Variants in FZD3 observed in about 807,000 individuals in gnomAD.
FZD3 encodes the protein frizzled-3.
Under a neutral mutation model 60.7 loss-of-function variants are expected in FZD3, and 30 were observed. The observed-to-expected ratio is 0.49, with a 90% confidence interval of 0.37 to 0.67. The LOEUF (loss-of-function observed/expected upper bound fraction) is 0.67. FZD3 is among the 30% of genes least tolerant of loss of function. The pLI is 0.00. For synonymous variants in FZD3, 246 were observed against 275.2 expected (o/e 0.89, Z 1.05); for missense variants, 605 against 838.7 (o/e 0.72, Z 3.44).
At chr8:28,547,181 C>G (rs1197588705) in intron 5 of FZD3, among the ~76,000 whole-genome samples, 1 of 152,108 alleles carries the variant, frequency 6.6e-6, no homozygotes, top group Non-Finnish European at 1.5e-5. Context: ...TCTTTTTTTA[C>G]TCACTTGGTA....
At chr8:28,499,859 T>C (rs1352180711) in intron 1 of FZD3, 74 bp from the exon 2 acceptor site, 2 of 152,230 alleles carry the variant, frequency 1.3e-5, no homozygotes, top group Non-Finnish European at 2.9e-5. Context: ...CTATCTGCTT[T>C]TATTTTTAAA....
At chr8:28,516,863 A>C (rs536163190) in intron 3 of FZD3, among the ~76,000 whole-genome samples, 1 of 152,052 alleles carries the variant, frequency 6.6e-6, no homozygotes, top group African/African-American at 2.4e-5. Context: ...CCTAAAAATT[A>C]TGATGTGTAC....
At chr8:28,550,825 A>G (rs1305922661) in intron 5 of FZD3, among the ~76,000 whole-genome samples, 2 of 151,954 alleles carry the variant, frequency 1.3e-5, no homozygotes, top group Non-Finnish European at 2.9e-5. Context: ...GGTTTGCTTT[A>G]TTGATTGATA....
At chr8:28,495,819 A>T (rs947999322) in intron 1 of FZD3, among the ~76,000 whole-genome samples, 2 of 152,172 alleles carry the variant, frequency 1.3e-5, no homozygotes, top group Non-Finnish European at 2.9e-5. Context: ...GATAAAATAT[A>T]ACTAAGATGC....
At position 28,569,748 on chromosome 8, in the gene FZD3, T is replaced by A. The variant is rs545785624; in HGVS notation, c.*6737T>A. The stretch of plus-strand genomic sequence containing the variant: ...TTATAAATATTGGACATGGCTTTTT[T>A]AAATGGGAAAGTCTTCTTAAGCACC... On this transcript the variant is annotated 3_prime_UTR_variant, in exon 8 of 8. Transcript: ENST00000240093. 7 of 152,314 alleles carry A rather than the reference T, an allele frequency of 4.6e-5. No homozygotes were observed. The East Asian group carries it at 1.2e-3, about 25-fold the overall frequency. 9.4% of individuals were successfully genotyped at this position (152,314 alleles called of 1,614,324 possible).
In FZD3 at chr8:28,567,856, T is replaced by C. The variant is rs182963504; in HGVS notation, c.*4845T>C. ...GGGATATTCATTTTATTTTTCCTTT[T>C]ATATGAAATTGTATAAGTACATTAG... On this transcript the variant is annotated 3_prime_UTR_variant, in exon 8 of 8. Transcript: ENST00000240093. 2.0e-5 allele frequency: 3 copies of C among 152,308 alleles called. No individual in the cohort carries two copies. In the East Asian group the frequency reaches 5.8e-4, roughly 29 times the overall value. The allele number at this position is 152,308 out of a possible 1,614,324, so 9.4% of individuals were successfully genotyped here.
At chr8:28,510,200 C>T (rs180821777) in intron 3 of FZD3, among the ~76,000 whole-genome samples, 2 of 151,956 alleles carry the variant, frequency 1.3e-5, no homozygotes, top group South Asian at 4.1e-4. Flanking sequence ...CTAAATTTTA[C>T]TCCATTGTAT....
At chr8:28,516,056 G>T (rs1804418213) in intron 3 of FZD3, among the ~76,000 whole-genome samples, 2 of 152,148 alleles carry the variant, frequency 1.3e-5, no homozygotes, top group Admixed American at 1.3e-4. Flanking sequence ...TTAGGCCTTT[G>T]ATAAATTTTG....
intron 4 of FZD3, among the ~76,000 whole-genome samples, chr8:28,525,914 G>GTGGTGT (rs1804703638): frequency 6.6e-6 from 1 of 151,650 alleles, no homozygotes; most frequent in Non-Finnish European, 1.5e-5. Context: ...AGATTTCATA[G>GTGGTGT]GTATATGAAA....
intron 1 of FZD3, among the ~76,000 whole-genome samples, chr8:28,498,513 A>G (rs781331465): frequency 6.6e-6 from 1 of 152,222 alleles, no homozygotes; most frequent in Non-Finnish European, 1.5e-5. Flanking sequence ...TGTGATTAGA[A>G]GCAGATAATT....
At position 28,556,950 on chromosome 8, in the gene FZD3, T is replaced by G. The variant is rs77405997; in HGVS notation, c.1787+979T>G. 4.8e-3 allele frequency among the ~76,000 whole-genome samples: 730 copies of G among 152,300 alleles called. 26 individuals are homozygous for G. In the East Asian group the frequency reaches 0.093, roughly 19 times the overall value. On this transcript the variant is annotated intron_variant, in intron 7 of 7. Coordinates refer to ENST00000240093, the MANE Select transcript of FZD3 (RefSeq NM_017412.4). ...GAGACACTAGAATTAGAAACTGCCT[T>G]TGAGCTTTTCAGTAATTCTTTTGAG...
intron 5 of FZD3, among the ~76,000 whole-genome samples, chr8:28,540,109 T>C (rs1805124634): frequency 6.6e-6 from 1 of 152,188 alleles, no homozygotes; most frequent in Admixed American, 6.5e-5. Flanking sequence ...AGGCTATTTA[T>C]AGCTAGCCAG....
At chr8:28,521,192 C>T (rs1804570853) in intron 4 of FZD3, among the ~76,000 whole-genome samples, 1 of 151,974 alleles carries the variant, frequency 6.6e-6, no homozygotes, top group Non-Finnish European at 1.5e-5. Context: ...GGCTTAAATA[C>T]CTTTATGATT....
chr8:28,516,082 ATAAGG>A (rs943437885), intron 3 of FZD3, among the ~76,000 whole-genome samples: 1 of 152,190 alleles, frequency 6.6e-6, no homozygotes, highest in African/African-American at 2.4e-5. Flanking sequence ...ATTTTTGTAT[ATAAGG>A]TAAGGTAAGA....
At chr8:28,499,398 AATTT>A (rs1237607645) in intron 1 of FZD3, among the ~76,000 whole-genome samples, 5 of 152,156 alleles carry the variant, frequency 3.3e-5, no homozygotes, top group Non-Finnish European at 5.9e-5. Context: ...GTTATACCAT[AATTT>A]ATTTAACCAA....
chr8:28,562,306 A>ATT (rs796639020), intron 7 of FZD3, among the ~76,000 whole-genome samples: 12 of 146,592 alleles, frequency 8.2e-5, no homozygotes, highest in African/African-American at 2.7e-4. Context: ...CAGTTTATTC[A>ATT]TTTTTTTTTT....
chr8:28,510,792 T>C (rs540977992), intron 3 of FZD3, among the ~76,000 whole-genome samples: 32 of 152,072 alleles, frequency 2.1e-4, no homozygotes, highest in Admixed American at 1.1e-3. Flanking sequence ...ATCTGAGCAC[T>C]TTGGGAGGCC....
intron 5 of FZD3, among the ~76,000 whole-genome samples, chr8:28,550,758 C>T (rs899207380): frequency 2.0e-5 from 3 of 151,796 alleles, no homozygotes; most frequent in Non-Finnish European, 4.4e-5. Context: ...TCCCAAAGTG[C>T]TGGGATTACA....
intron 1 of FZD3, among the ~76,000 whole-genome samples, chr8:28,497,016 T>G (rs1803862617): frequency 6.6e-6 from 1 of 152,228 alleles, no homozygotes; most frequent in Non-Finnish European, 1.5e-5. Flanking sequence ...TCTCTTAACT[T>G]TCCAGTTTTA....
Sources: allele counts gnomAD v4.1 joint callset (sites outside exome capture counted in the v4.1 genomes callset), GRCh38; gene constraint gnomAD v4.1.1; transcripts MANE v1.5; gene names NCBI Gene and HGNC (gene_info 2026-07-23, HGNC 2026-07-21).